Variants in BCAT1 observed in about 807,000 individuals in gnomAD.
The protein encoded by BCAT1 is branched chain amino acid transaminase 1.
Under a neutral mutation model 52.4 loss-of-function variants are expected in BCAT1, and 48 were observed. The ratio of observed to expected loss-of-function variants is 0.92; its 90% CI spans 0.73 to 1.16. The LOEUF is 1.16. BCAT1 is among the 50% of genes most tolerant of loss of function. The pLI is 0.00. For missense variants in BCAT1, 451 were observed against 457.1 expected, an observed-to-expected ratio of 0.99 and a Z score of 0.12; for synonymous variants, 167 against 161.3, an observed-to-expected ratio of 1.04 and a Z score of -0.27.
intron 6 of BCAT1, among the ~76,000 whole-genome samples, chr12:24,844,128 T>G (rs1262984936): frequency 6.6e-6 from 1 of 152,202 alleles, no homozygotes. Flanking sequence ...AGCCCTTGTC[T>G]GCTTAAGATC....
At chr12:24,926,834 G>A (rs1275171135) in intron 1 of BCAT1, among the ~76,000 whole-genome samples, 1 of 152,052 alleles carries the variant, frequency 6.6e-6, no homozygotes, top group Non-Finnish European at 1.5e-5. Context: ...AGGCCGCAGG[G>A]TCCTCTGCCT....
chr12:24,929,351 G>A (rs891997786), intron 1 of BCAT1, among the ~76,000 whole-genome samples: 1 of 152,098 alleles, frequency 6.6e-6, no homozygotes, highest in South Asian at 2.1e-4. Context: ...AACAGAAATG[G>A]GGTTCCTGTT....
At chr12:24,906,440 G>T (rs1273998940) in intron 1 of BCAT1, among the ~76,000 whole-genome samples, 1 of 152,064 alleles carries the variant, frequency 6.6e-6, no homozygotes, top group Admixed American at 6.5e-5. Context: ...TGGATTAGAG[G>T]TATTATTGAA....
intron 4 of BCAT1, 87 bp from the exon 5 acceptor site, chr12:24,878,736 T>TA: frequency 8.1e-7 from 1 of 1,236,194 alleles, no homozygotes; most frequent in Non-Finnish European, 1.1e-6. Context: ...TTTAAACTGT[T>TA]AAAAAATTAA....
rs527410557 is a variant in BCAT1 at position 24,816,036 on chromosome 12, G to C, written c.*1972C>G. On this transcript the variant is annotated 3_prime_UTR_variant, in exon 11 of 11. Transcript: ENST00000261192. Reference sequence around the variant, plus strand: ...CGGGGTACACAGTGCGCAGGCGACAGTCAAGAGCACCTCAGGCCTGAAAAG... The same window carrying C: ...CGGGGTACACAGTGCGCAGGCGACACTCAAGAGCACCTCAGGCCTGAAAAG... 1 of 152,648 alleles carries C rather than the reference G, an allele frequency of 6.6e-6. No individual in the cohort carries two copies. Among genetic ancestry groups the C allele is most frequent in the South Asian group, 2.1e-4 (1 of 4,826 alleles). The allele number at this position is 152,648 out of a possible 1,614,324, so 9.5% of individuals were successfully genotyped here.
At position 24,915,601 on chromosome 12, in the gene BCAT1, A is replaced by C. The variant is rs1943394640; in HGVS notation, c.7-13716T>G. Among the ~76,000 whole-genome samples the C allele has an allele frequency of 2.0e-5, 3 of 152,224 alleles. No individual in the cohort carries two copies. In the South Asian group the frequency reaches 6.2e-4, roughly 32 times the overall value. ...CTACCGTGAAGCTACATGCTTTATC[A>C]GAATTTTGCCAGTTGAAAGAAAATA... On this transcript the variant is annotated intron_variant, in intron 1 of 10. Transcript: ENST00000261192.
intron 3 of BCAT1, 61 bp from the exon 4 acceptor site, chr12:24,881,472 A>AGG: frequency 9.0e-7 from 1 of 1,106,616 alleles, no homozygotes; most frequent in Non-Finnish European, 1.4e-6. Flanking sequence ...CGTGTTCAAG[A>AGG]GACTGACTTT....
chr12:24,885,903 G>C (rs1322368939), intron 3 of BCAT1, among the ~76,000 whole-genome samples: 1 of 152,142 alleles, frequency 6.6e-6, no homozygotes, highest in Non-Finnish European at 1.5e-5. Context: ...AACTGTGAAT[G>C]ACAATATCAA....
At chr12:24,860,574 G>C (rs568925907) in intron 5 of BCAT1, among the ~76,000 whole-genome samples, 27 of 152,250 alleles carry the variant, frequency 1.8e-4, no homozygotes, top group African/African-American at 6.3e-4. Context: ...GTTTTCCTTT[G>C]TAACAGGACA....
chr12:24,893,508 T>C (rs1001405498), intron 3 of BCAT1, among the ~76,000 whole-genome samples: 4 of 152,196 alleles, frequency 2.6e-5, no homozygotes, highest in African/African-American at 9.6e-5. Flanking sequence ...TTAAGGTAAT[T>C]AAATGAGATG....
chr12:24,845,866 G>A (rs528332040), intron 6 of BCAT1, among the ~76,000 whole-genome samples: 4 of 152,226 alleles, frequency 2.6e-5, no homozygotes, highest in South Asian at 4.2e-4. Flanking sequence ...AGACCAGCCT[G>A]GGCAACACAG....
At chr12:24,890,283 A>G (rs1404641205) in intron 3 of BCAT1, among the ~76,000 whole-genome samples, 1 of 152,148 alleles carries the variant, frequency 6.6e-6, no homozygotes, top group Non-Finnish European at 1.5e-5. Context: ...GGGATCTGAC[A>G]CTATTTCCAG....
intron 1 of BCAT1, among the ~76,000 whole-genome samples, chr12:24,946,779 A>C (rs745328879): frequency 2.6e-5 from 4 of 152,342 alleles, no homozygotes; most frequent in Non-Finnish European, 5.9e-5. Flanking sequence ...GTTTTAGTCC[A>C]TAGTACAAAA....
intron 1 of BCAT1, among the ~76,000 whole-genome samples, chr12:24,913,259 T>C (rs1220665553): frequency 1.7e-4 from 26 of 152,192 alleles, no homozygotes; most frequent in Admixed American, 1.5e-3. Flanking sequence ...CACAAAGTTG[T>C]AGTGTTAATG....
intron 5 of BCAT1, among the ~76,000 whole-genome samples, chr12:24,859,772 T>A (rs964626623): frequency 6.6e-6 from 1 of 152,326 alleles, no homozygotes; most frequent in Middle Eastern, 3.4e-3. Flanking sequence ...AAAATCAAAT[T>A]CTATATTATG....
At chr12:24,841,765 T>C (rs1369301197) in intron 7 of BCAT1, among the ~76,000 whole-genome samples, 1 of 151,442 alleles carries the variant, frequency 6.6e-6, no homozygotes, top group Non-Finnish European at 1.5e-5. Context: ...AAAAATTAGC[T>C]GGGCATGGTG....
intron 3 of BCAT1, among the ~76,000 whole-genome samples, chr12:24,889,869 A>T (rs1306456707): frequency 2.6e-5 from 4 of 152,184 alleles, no homozygotes; most frequent in Non-Finnish European, 5.9e-5. Context: ...TCTCCGGTGA[A>T]GGTCCTGCCT....
chr12:24,860,136 T>C (rs970057174), intron 5 of BCAT1, among the ~76,000 whole-genome samples: 1 of 152,238 alleles, frequency 6.6e-6, no homozygotes, highest in Non-Finnish European at 1.5e-5. Context: ...CTTGTTTTGA[T>C]CCTCTTTAAA....
intron 1 of BCAT1, among the ~76,000 whole-genome samples, chr12:24,935,711 A>G (rs1943742418): frequency 6.6e-6 from 1 of 152,208 alleles, no homozygotes; most frequent in South Asian, 2.1e-4. Context: ...AGAGAAAACC[A>G]GGCTACACCT....
Sources: allele counts gnomAD v4.1 joint callset (sites outside exome capture counted in the v4.1 genomes callset), GRCh38; gene constraint gnomAD v4.1.1; transcripts MANE v1.5; gene names NCBI Gene and HGNC (gene_info 2026-07-23, HGNC 2026-07-21).